The following ANKRD44 variants were observed in gnomAD, a reference collection of about 807,000 sequenced individuals.
ANKRD44 encodes ankyrin repeat domain 44, also known as serine/threonine-protein phosphatase 6 regulatory ankyrin repeat subunit B.
ANKRD44 carries 35 observed loss-of-function variants against 116.0 expected under a neutral mutation model. The observed-to-expected ratio is 0.30, with a 90% CI of 0.23 to 0.40. The LOEUF is 0.40. Ranked by LOEUF, ANKRD44 falls within the 10% of genes least tolerant of loss-of-function variation. The pLI is 1.00. For synonymous variants in ANKRD44, 435 were observed against 461.8 expected, an observed-to-expected ratio of 0.94 and a Z score of 0.74; for missense variants, 1,014 against 1,242.6, an observed-to-expected ratio of 0.82 and a Z score of 2.77.
intron 21 of ANKRD44, among the ~76,000 whole-genome samples, chr2:196,972,154 T>C (rs954961744): frequency 2.0e-5 from 3 of 152,130 alleles, no homozygotes; most frequent in African/African-American, 7.2e-5. Flanking sequence ...AGGTTGAAGA[T>C]GGGAGGCTAC....
chr2:197,112,506 G>A (rs1055603289), intron 8 of ANKRD44, among the ~76,000 whole-genome samples: 2 of 152,036 alleles, frequency 1.3e-5, no homozygotes, highest in Non-Finnish European at 2.9e-5. Context: ...TCAGGAGATA[G>A]AGCCCATCTT....
At chr2:196,977,022 T>C (rs1253111632) in intron 21 of ANKRD44, among the ~76,000 whole-genome samples, 2 of 152,214 alleles carry the variant, frequency 1.3e-5, no homozygotes, top group Non-Finnish European at 2.9e-5. Context: ...TGTACTTCTA[T>C]ATACTGGCAA....
chr2:197,310,526 C>A (rs1404336029), intron 1 of ANKRD44, 52 bp downstream of exon 1: 2 of 1,021,608 alleles, frequency 2.0e-6, no homozygotes, highest in Non-Finnish European at 1.2e-6. Context: ...CCGCCGGGCT[C>A]CGCGCCGCCC....
At chr2:197,001,608 T>G in intron 22 of ANKRD44, 145 bp downstream of exon 22, 1 of 567,810 alleles carries the variant, frequency 1.8e-6, no homozygotes, top group Non-Finnish European at 3.0e-6. Context: ...TATTTTGCTA[T>G]CAGATCTACT....
Position 197,237,277 on chromosome 2 carries a change from T to C in ANKRD44, c.28-50171A>G, listed in dbSNP as rs184425104. Among the ~76,000 whole-genome samples, 278 of 152,364 alleles carry C rather than the reference T, an allele frequency of 1.8e-3. No individual in the cohort carries two copies. The Middle Eastern group carries it at 0.031, about 17-fold the overall frequency. On this transcript the variant is annotated intron_variant, in intron 1 of 27. Transcript: ENST00000282272. ...GTTCAAAACAAAGATGAATCAATTA[T>C]TAAATCATCTTTTCTAAGAACTCAC...
At chr2:197,246,350 CTTTTTTTTTTTTT>C (rs67655796) in intron 1 of ANKRD44, among the ~76,000 whole-genome samples, 5 of 65,868 alleles carry the variant, frequency 7.6e-5, no homozygotes, top group South Asian at 7.5e-4. Context: ...CTACATCTGG[CTTTTTTTTTTTTT>C]TTTTTTTTTT....
At chr2:196,977,422 A>G (rs1170463639) in intron 21 of ANKRD44, among the ~76,000 whole-genome samples, 1 of 152,236 alleles carries the variant, frequency 6.6e-6, no homozygotes, top group African/African-American at 2.4e-5. Context: ...GACCCATGGA[A>G]TGGGAGAAAA....
At chr2:197,110,697 G>A (rs919002563) in intron 9 of ANKRD44, 69 bp downstream of exon 9, 9 of 1,306,274 alleles carry the variant, frequency 6.9e-6, no homozygotes, top group South Asian at 2.4e-5. Context: ...TTCATATGCA[G>A]GTGACTGACA....
chr2:197,117,548 T>A (rs979771957), intron 8 of ANKRD44, among the ~76,000 whole-genome samples: 2 of 151,968 alleles, frequency 1.3e-5, no homozygotes, highest in East Asian at 1.9e-4. Flanking sequence ...AATTTTTGTA[T>A]CTTTGGAGAC....
intron 1 of ANKRD44, among the ~76,000 whole-genome samples, chr2:197,277,265 G>A (rs1021968625): frequency 3.3e-5 from 5 of 152,102 alleles, no homozygotes; most frequent in South Asian, 2.1e-4. Context: ...TAGAGGACAC[G>A]GAGTGCACCA....
At chr2:197,177,021 G>C (rs557200292) in intron 2 of ANKRD44, among the ~76,000 whole-genome samples, 1 of 152,208 alleles carries the variant, frequency 6.6e-6, no homozygotes, top group African/African-American at 2.4e-5. Context: ...TAAAGCAATA[G>C]GTCCTTGGTA....
At chr2:197,065,914 A>T (rs1191969722) in intron 16 of ANKRD44, among the ~76,000 whole-genome samples, 4 of 152,212 alleles carry the variant, frequency 2.6e-5, no homozygotes, top group Non-Finnish European at 4.4e-5. Context: ...ACAGAAAAAG[A>T]AGGAATCCTC....
At chr2:197,011,078 C>T (rs974510393) in intron 18 of ANKRD44, among the ~76,000 whole-genome samples, 3 of 152,148 alleles carry the variant, frequency 2.0e-5, no homozygotes, top group Non-Finnish European at 2.9e-5. Flanking sequence ...GGTAATATGT[C>T]GTTGCTGCTG....
rs758412435 is a variant in ANKRD44 at position 197,000,471 on chromosome 2, G to C, written c.2467C>G (p.Leu823Val). The C allele has an allele frequency of 8.7e-6, 14 of 1,613,946 alleles. No homozygotes were observed. The highest frequency in any genetic ancestry group is 1.1e-5 in the Non-Finnish European group (13 of 1,179,978). Reference protein sequence around the residue: ...INDHGNCASLLLGAIDSSIVS... With the variant: ...INDHGNCASLVLGAIDSSIVS... ...ATACTGGAATCTATGGCCCCAAGCA[G>C]CAATGATGCACAATTCCCATGATCA... The change falls in exon 23 of 28, where the codon CTG becomes GTG. Residue 823 changes from leucine (L) to valine (V), a missense_variant. Physicochemically the swap from Leu to Val is conservative, Grantham distance 32 (BLOSUM62 1). Coordinates refer to ENST00000282272, the MANE Select transcript of ANKRD44 (RefSeq NM_001195144.2).
chr2:197,240,113 G>T (rs1225946154), intron 1 of ANKRD44, among the ~76,000 whole-genome samples: 1 of 151,940 alleles, frequency 6.6e-6, no homozygotes, highest in South Asian at 2.1e-4. Flanking sequence ...GATGGCTCAC[G>T]CCTGTAATCT....
chr2:197,153,507 G>C (rs1198419509), intron 2 of ANKRD44, among the ~76,000 whole-genome samples: 1 of 152,064 alleles, frequency 6.6e-6, no homozygotes, highest in African/African-American at 2.4e-5. Context: ...GGAGCCAAAC[G>C]ACACAAAATG....
chr2:197,269,022 C>T (rs1034692991), intron 1 of ANKRD44, among the ~76,000 whole-genome samples: 47 of 151,514 alleles, frequency 3.1e-4, no homozygotes, highest in African/African-American at 1.1e-3. Context: ...AATGCATACT[C>T]AAAAAAAGTC....
At chr2:197,238,409 A>G (rs1357384895) in intron 1 of ANKRD44, among the ~76,000 whole-genome samples, 1 of 152,194 alleles carries the variant, frequency 6.6e-6, no homozygotes, top group African/African-American at 2.4e-5. Context: ...TGCCTAGTCA[A>G]CTGGCTCTAC....
chr2:197,280,091 G>A (rs2105823962), intron 1 of ANKRD44, among the ~76,000 whole-genome samples: 1 of 152,296 alleles, frequency 6.6e-6, no homozygotes, highest in South Asian at 2.1e-4. Flanking sequence ...GCGTGTGACA[G>A]GACTGCCAGT....
Sources: gnomAD v4.1 joint callset for allele counts (sites outside exome capture counted in the v4.1 genomes callset) on GRCh38, gnomAD v4.1.1 for gene constraint, MANE v1.5 for transcripts, NCBI Gene and HGNC (gene_info 2026-07-23, HGNC 2026-07-21) for gene names.